Variants in RNF2 observed in about 807,000 individuals in gnomAD.
RNF2 encodes ring finger protein 2.
Under a neutral mutation model 37.2 loss-of-function variants are expected in RNF2, and 6 were observed. The observed-to-expected ratio is 0.16, with a 90% CI of 0.09 to 0.32. The LOEUF is 0.32. RNF2 is among the 10% of genes least tolerant of loss of function. The probability of loss-of-function intolerance (pLI) is 1.00; values close to 1 mark genes in which losing one functional copy is unlikely to be tolerated. For synonymous variants in RNF2, 133 were observed against 132.7 expected, an observed-to-expected ratio of 1.00 and a Z score of -0.02; for missense variants, 251 against 404.0, an observed-to-expected ratio of 0.62 and a Z score of 3.25.
At chr1:185,084,503 C>T (rs574773929) in intron 1 of RNF2, among the ~76,000 whole-genome samples, 2 of 152,190 alleles carry the variant, frequency 1.3e-5, no homozygotes, top group African/African-American at 4.8e-5. Flanking sequence ...GTTTTGTTTC[C>T]CCCTTCTTAC....
At chr1:185,058,217 G>A (rs182048222) in intron 1 of RNF2, among the ~76,000 whole-genome samples, 12 of 152,348 alleles carry the variant, frequency 7.9e-5, no homozygotes, top group Middle Eastern at 3.4e-3. Flanking sequence ...GTAATCTAGA[G>A]ATGATTTAAA....
rs1227464761 is a variant in RNF2, at chr1:185,101,513, A to G, written c.*1212A>G. The stretch of plus-strand genomic sequence containing the variant: ...TTGGGAGCCAGAAAGCTTTGTTGAC[A>G]GATCAGAAATAAGATTGACTTGGGT... On this transcript the variant is annotated 3_prime_UTR_variant, in exon 7 of 7. Coordinates refer to ENST00000367510, the MANE Select transcript of RNF2 (RefSeq NM_007212.4). 1 of 152,568 alleles carries G rather than the reference A, an allele frequency of 6.6e-6. No individual in the cohort carries two copies. The highest frequency in any genetic ancestry group is 1.5e-5 in the Non-Finnish European group (1 of 67,998). 9.5% of individuals were successfully genotyped at this position (152,568 alleles called of 1,614,324 possible).
At chr1:185,076,277 T>TG (rs1651156212) in intron 1 of RNF2, among the ~76,000 whole-genome samples, 2 of 36,120 alleles carry the variant, frequency 5.5e-5, no homozygotes, top group African/African-American at 2.8e-4. Context: ...TGTTTTTTTT[T>TG]TTTTTTTTTT....
chr1:185,080,225 A>G (rs555074226), intron 1 of RNF2, among the ~76,000 whole-genome samples: 1 of 152,260 alleles, frequency 6.6e-6, no homozygotes, highest in African/African-American at 2.4e-5. Context: ...GTATCTATAC[A>G]TAGGTGACTC....
intron 1 of RNF2, among the ~76,000 whole-genome samples, chr1:185,076,238 CCTT>C (rs1376765984): frequency 1.8e-5 from 2 of 109,124 alleles, no homozygotes; most frequent in Non-Finnish European, 4.0e-5. Flanking sequence ...TTTAGGCTGC[CCTT>C]CTTTTCTTCT....
rs1402436476 is a variant in RNF2 at position 185,098,054 on chromosome 1, T to C, written c.465-18T>C. 6.2e-7 allele frequency: 1 copy of C among 1,607,720 alleles called. No individual in the cohort carries two copies. The highest frequency in any genetic ancestry group is 8.5e-7 in the Non-Finnish European group (1 of 1,175,578). Reference sequence around the variant, plus strand: ...CCTAAAAGTAAATTTTATGCATCCTTTTTTCCCCCTTGACTAGACTGCAGC... The same window carrying C: ...CCTAAAAGTAAATTTTATGCATCCTCTTTTCCCCCTTGACTAGACTGCAGC... On this transcript the variant is annotated intron_variant, in intron 4 of 6. Transcript: ENST00000367510.
chr1:185,072,912 T>C (rs1485194152), intron 1 of RNF2, among the ~76,000 whole-genome samples: 8 of 152,126 alleles, frequency 5.3e-5, no homozygotes, highest in Non-Finnish European at 1.0e-4. Flanking sequence ...TGCACTCCAG[T>C]CTGGGCAACA....
chr1:185,062,723 A>G (rs1293792097), intron 1 of RNF2, among the ~76,000 whole-genome samples: 1 of 152,080 alleles, frequency 6.6e-6, no homozygotes, highest in African/African-American at 2.4e-5. Flanking sequence ...TGACAGACAA[A>G]AGGTCAATTT....
At chr1:185,099,051 CTTT>C (rs1345375710) in intron 5 of RNF2, among the ~76,000 whole-genome samples, 13 of 124,656 alleles carry the variant, frequency 1.0e-4, no homozygotes, top group African/African-American at 1.8e-4. Context: ...TGCCCGGCCT[CTTT>C]TTTTTTTTTT....
chr1:185,094,144 A>ATTT (rs954161391), intron 4 of RNF2, among the ~76,000 whole-genome samples: 2 of 142,230 alleles, frequency 1.4e-5, no homozygotes, highest in Non-Finnish European at 3.1e-5. Context: ...TTTTTTTTTT[A>ATTT]TTTTTTTTAT....
At chr1:185,080,040 G>C (rs1350896171) in intron 1 of RNF2, among the ~76,000 whole-genome samples, 2 of 152,156 alleles carry the variant, frequency 1.3e-5, no homozygotes, top group Non-Finnish European at 2.9e-5. Flanking sequence ...TCTTTAGGCT[G>C]TTGGGATCTA....
intron 1 of RNF2, among the ~76,000 whole-genome samples, chr1:185,072,784 C>T (rs777265329): frequency 1.3e-4 from 19 of 151,894 alleles, no homozygotes; most frequent in Non-Finnish European, 2.4e-4. Flanking sequence ...AATAAAAATA[C>T]AAAAAATCAG....
chr1:185,100,249 A>T lies in RNF2; in HGVS notation c.959A>T (p.Lys320Ile). The T allele has an allele frequency of 1.2e-6, 2 of 1,612,474 alleles. No homozygotes were observed. The highest frequency in any genetic ancestry group is 1.7e-6 in the Non-Finnish European group (2 of 1,179,444). The change falls in exon 7 of 7, where the codon AAA becomes ATA. Residue 320 changes from lysine (K) to isoleucine (I), a missense_variant. Physicochemically the swap from Lys to Ile is moderately radical, Grantham distance 102. This residue lies in a region of RNF2 where 59 missense variants were observed against 69.1 expected (regional missense o/e 0.85). Coordinates refer to ENST00000367510, the MANE Select transcript of RNF2 (RefSeq NM_007212.4). Reference sequence around the variant, plus strand: ...GAATTGGTCAGTGAGAAATACTGGAAAGTGAACAAACCCATGGAACTTTAT... The same window carrying T: ...GAATTGGTCAGTGAGAAATACTGGATAGTGAACAAACCCATGGAACTTTAT... ...SLELVSEKYW[K>I]VNKPMELYYA...
At position 185,102,532 on chromosome 1, in the gene RNF2, T is replaced by C. The variant is rs1652104504; in HGVS notation, c.*2231T>C. The C allele has an allele frequency of 6.6e-6, 1 of 152,222 alleles. No individual in the cohort carries two copies. Among genetic ancestry groups the C allele is most frequent in the Admixed American group, 6.5e-5 (1 of 15,282 alleles). The allele number at this position is 152,222 out of a possible 1,614,324, so 9.4% of individuals were successfully genotyped here. ...TGTGTAATGATCACCGCTGTCTACTTGTAAAACTTTTTCATCACCCCAAAC... is the reference window on the plus strand; with the variant it reads ...TGTGTAATGATCACCGCTGTCTACTCGTAAAACTTTTTCATCACCCCAAAC... On this transcript the variant is annotated 3_prime_UTR_variant, in exon 7 of 7. Coordinates refer to ENST00000367510, the MANE Select transcript of RNF2 (RefSeq NM_007212.4).
At chr1:185,061,131 T>C (rs1477666768) in intron 1 of RNF2, among the ~76,000 whole-genome samples, 42 of 146,110 alleles carry the variant, frequency 2.9e-4, no homozygotes, top group African/African-American at 8.6e-4. Context: ...TCTCTCTCTT[T>C]TTTTTTTTTT....
chr1:185,076,141 G>T (rs940157305), intron 1 of RNF2, among the ~76,000 whole-genome samples: 3 of 151,366 alleles, frequency 2.0e-5, no homozygotes, highest in Admixed American at 2.0e-4. Context: ...TTTGCTCATG[G>T]TGTCTCTAGT....
At chr1:185,071,262 G>T (rs1650964179) in intron 1 of RNF2, among the ~76,000 whole-genome samples, 1 of 152,178 alleles carries the variant, frequency 6.6e-6, no homozygotes, top group Admixed American at 6.5e-5. Flanking sequence ...TACCTGTGAA[G>T]ATAAGCTGGT....
chr1:185,087,629 C>T lies in RNF2; in HGVS notation c.76C>T (p.Arg26Ter). 1.9e-6 allele frequency: 3 copies of T among 1,613,508 alleles called. No individual in the cohort carries two copies. Among genetic ancestry groups the T allele is most frequent in the Non-Finnish European group, 1.7e-6 (2 of 1,179,464 alleles). ...GGAACTCAGTTTATATGAGTTACAA[C>T]GAACACCTCAGGTAATGACTAAGAT... ...TWELSLYELQRTPQEAITDGL... is the reference protein window; with the variant it reads ...TWELSLYELQ Residue 26 changes from arginine to a stop codon, truncating the protein, a stop_gained, in exon 2 of 7, where the codon CGA becomes TGA. Coordinates refer to ENST00000367510, the MANE Select transcript of RNF2 (RefSeq NM_007212.4). LOFTEE classifies it high-confidence loss of function.
rs192460765 is a variant in RNF2, at chr1:185,079,622, A to C, written c.-2-7930A>C. Among the ~76,000 whole-genome samples, 192 of 152,304 alleles carry C rather than the reference A, an allele frequency of 1.3e-3. 1 individual carries two copies. The highest frequency in any genetic ancestry group is 4.4e-3 in the African/African-American group (184 of 41,554). ...ATAAAATGAGATGTTGTCCAATTCC[A>C]GGAGCCCAAATAAAAGCCAATTGTG... On this transcript the variant is annotated intron_variant, in intron 1 of 6. Transcript: ENST00000367510.
Sources: allele counts gnomAD v4.1 joint callset (sites outside exome capture counted in the v4.1 genomes callset), GRCh38; gene constraint gnomAD v4.1.1; regional missense constraint gnomAD v4.1.1; transcripts MANE v1.5; gene names NCBI Gene and HGNC (gene_info 2026-07-23, HGNC 2026-07-21).